The following ICAM2 variants were observed in gnomAD, a reference collection of about 807,000 sequenced individuals.
ICAM2 encodes the protein ICAM-2.
In ICAM2, 14 loss-of-function variants were observed where a neutral mutation model predicts 19.1. That is an observed-to-expected ratio of 0.73 (90% confidence interval 0.48 to 1.15). ICAM2 has a LOEUF of 1.15. Ranked by LOEUF, ICAM2 falls within the 50% of genes most tolerant of loss-of-function variation. ICAM2 has a pLI of 0.00. For missense variants in ICAM2, 311 were observed against 355.4 expected, an observed-to-expected ratio of 0.88 and a Z score of 1.00; for synonymous variants, 153 against 152.7, an observed-to-expected ratio of 1.00 and a Z score of -0.01.
intron 1 of ICAM2, among the ~76,000 whole-genome samples, chr17:64,013,049 A>T (rs1360151031): frequency 6.6e-6 from 1 of 152,222 alleles, no homozygotes; most frequent in Non-Finnish European, 1.5e-5. Context: ...GTGGTGGCTT[A>T]TGCTGGTAAT....
chr17:64,005,464 T>G, intron 2 of ICAM2, 91 bp from the exon 3 acceptor site: 1 of 1,433,876 alleles, frequency 7.0e-7, no homozygotes, highest in Non-Finnish European at 9.5e-7. Context: ...GGCTCCTGGG[T>G]CAGGGACTGA....
rs1359453493 is a variant in ICAM2 at position 64,002,842 on chromosome 17, A to T, written c.733T>A (p.Cys245Ser). The change falls in exon 5 of 5, where the codon TGC becomes AGC. Residue 245 changes from cysteine (C) to serine (S), a missense_variant. Physicochemically the swap from Cys to Ser is moderately radical, Grantham distance 112. Transcript: ENST00000579788. ...LSLFVTSVLLCFIFGQHLRQQ... is the reference protein window; with the variant it reads ...LSLFVTSVLLSFIFGQHLRQQ... The stretch of plus-strand genomic sequence containing the variant: ...CGCAAGTGCTGGCCGAAGATGAAGC[A>T]GAGCAGGACAGATGTCACGAACAGG... 6.2e-7 allele frequency: 1 copy of T among 1,613,904 alleles called. No individual in the cohort carries two copies. Among genetic ancestry groups the T allele is most frequent in the Non-Finnish European group, 8.5e-7 (1 of 1,180,004 alleles).
At chr17:64,012,340 G>A (rs1468042618) in intron 1 of ICAM2, among the ~76,000 whole-genome samples, 1 of 152,198 alleles carries the variant, frequency 6.6e-6, no homozygotes, top group Non-Finnish European at 1.5e-5. Flanking sequence ...GCTCATGCCT[G>A]TAATCCCAGC....
At chr17:64,010,155 T>C (rs1042370001) in intron 1 of ICAM2, among the ~76,000 whole-genome samples, 22 of 152,184 alleles carry the variant, frequency 1.4e-4, no homozygotes, top group African/African-American at 5.1e-4. Flanking sequence ...CATTAAACTT[T>C]TTCTCTGCAG....
chr17:64,009,839 T>C (rs1345178155), intron 1 of ICAM2, among the ~76,000 whole-genome samples: 1 of 152,204 alleles, frequency 6.6e-6, no homozygotes, highest in Non-Finnish European at 1.5e-5. Context: ...CCCTTTGAGA[T>C]ATTCTTTCAG....
chr17:64,006,484 G>A (rs1352597756), intron 2 of ICAM2, 147 bp downstream of exon 2: 12 of 666,162 alleles, frequency 1.8e-5, no homozygotes, highest in African/African-American at 1.1e-4. Flanking sequence ...GTGATAGACC[G>A]AGACCCTGTC....
chr17:64,018,410 A>C (rs1567851075), intron 1 of ICAM2, among the ~76,000 whole-genome samples: 1 of 150,172 alleles, frequency 6.7e-6, no homozygotes, highest in Non-Finnish European at 1.5e-5. Context: ...AAGTGAAAAG[A>C]TTATTTAGCT....
chr17:64,011,550 A>G (rs545438043), intron 1 of ICAM2, among the ~76,000 whole-genome samples: 1 of 152,240 alleles, frequency 6.6e-6, no homozygotes, highest in East Asian at 1.9e-4. Context: ...TAAACCCACA[A>G]TGAGATATCA....
Position 64,006,681 on chromosome 17 carries a change from A to G in ICAM2, c.11T>C (p.Phe4Ser). 1 of 1,614,150 alleles carries G rather than the reference A, an allele frequency of 6.2e-7. No individual in the cohort carries two copies. Among genetic ancestry groups the G allele is most frequent in the Non-Finnish European group, 8.5e-7 (1 of 1,180,002 alleles). Residue 4 changes from phenylalanine (F) to serine (S), a missense_variant, in exon 2 of 5, where the codon TTC (phenylalanine) becomes TCC (serine). Coordinates refer to ENST00000579788, the MANE Select transcript of ICAM2 (RefSeq NM_001099789.2). ...GGCCACAGTCAGGGTCCTGTAACCG[A>G]AAGAGGACATCTCTGGCAGTCTCCA... MSS[F>S]GYRTLTVALF...
chr17:64,002,731 A>G lies in ICAM2; in HGVS notation c.*16T>C. On this transcript the variant is annotated 3_prime_UTR_variant, in exon 5 of 5. Coordinates refer to ENST00000579788, the MANE Select transcript of ICAM2 (RefSeq NM_001099789.2). ...TCCAGTGACCACCGTGGTGGTGGCC[A>G]TGCCACTCATGGTTGCTATGGCCGG... 1 of 1,607,470 alleles carries G rather than the reference A, an allele frequency of 6.2e-7. No homozygotes were observed. Among genetic ancestry groups the G allele is most frequent in the Non-Finnish European group, 8.5e-7 (1 of 1,177,866 alleles).
intron 1 of ICAM2, among the ~76,000 whole-genome samples, chr17:64,014,338 A>G (rs4968686): frequency 0.13 from 6,472 of 51,174 alleles, 453 homozygotes; most frequent in East Asian, 0.16. Context: ...AAGGAAAGAA[A>G]GAAAGAAAGA....
At chr17:64,018,115 C>A (rs961335496) in intron 1 of ICAM2, among the ~76,000 whole-genome samples, 1 of 151,948 alleles carries the variant, frequency 6.6e-6, no homozygotes, top group Admixed American at 6.6e-5. Context: ...GGGCTGATCA[C>A]GCGGTCAGAA....
In ICAM2 at chr17:64,005,148, G is replaced by A. The variant is rs1345086153; in HGVS notation, c.287C>T (p.Ser96Phe). The A allele has an allele frequency of 6.2e-7, 1 of 1,614,024 alleles. No homozygotes were observed. Among genetic ancestry groups the A allele is most frequent in the Non-Finnish European group, 8.5e-7 (1 of 1,180,006 alleles). The change falls in exon 3 of 5, where the codon TCC becomes TTC. Residue 96 changes from serine (S) to phenylalanine (F), a missense_variant. Physicochemically the swap from Ser to Phe is radical, Grantham distance 155. Coordinates refer to ENST00000579788, the MANE Select transcript of ICAM2 (RefSeq NM_001099789.2). Reference protein sequence around the residue: ...DTVLQCHFTCSGKQESMNSNV... With the variant: ...DTVLQCHFTCFGKQESMNSNV... Reference sequence around the variant, plus strand: ...GGAATTCATTGACTCCTGCTTCCCGGAGCAGGTGAAGTGGCATTGGAGGAC... The same window carrying A: ...GGAATTCATTGACTCCTGCTTCCCGAAGCAGGTGAAGTGGCATTGGAGGAC...
At chr17:64,004,487 G>T in intron 3 of ICAM2, 1 of 171,384 alleles carries the variant, frequency 5.8e-6, no homozygotes, top group Admixed American at 5.5e-5. Flanking sequence ...ATTCTCTTTT[G>T]AATTAGAATA....
chr17:64,013,969 A>G (rs1911552739), intron 1 of ICAM2, among the ~76,000 whole-genome samples: 1 of 152,162 alleles, frequency 6.6e-6, no homozygotes, highest in Non-Finnish European at 1.5e-5. Context: ...TAAAGTAGAG[A>G]ATACAAATTC....
chr17:64,011,784 G>C (rs962126977), intron 1 of ICAM2, among the ~76,000 whole-genome samples: 2 of 152,162 alleles, frequency 1.3e-5, no homozygotes, highest in African/African-American at 4.8e-5. Context: ...TGATGAGAAT[G>C]TAGAGAAAAA....
At chr17:64,006,804 C>T in intron 1 of ICAM2, 69 bp from the exon 2 acceptor site, 1 of 888,258 alleles carries the variant, frequency 1.1e-6, no homozygotes, top group Non-Finnish European at 1.8e-6. Flanking sequence ...AAACTGATGA[C>T]TGCATTTCCT....
intron 1 of ICAM2, among the ~76,000 whole-genome samples, chr17:64,018,010 T>C (rs1911780318): frequency 6.6e-6 from 1 of 152,080 alleles, no homozygotes; most frequent in Admixed American, 6.6e-5. Context: ...ACCTCGAAAT[T>C]GTCAATCATA....
intron 1 of ICAM2, among the ~76,000 whole-genome samples, chr17:64,008,190 G>T (rs1419184106): frequency 3.3e-5 from 5 of 152,332 alleles, no homozygotes; most frequent in East Asian, 1.9e-4. Flanking sequence ...CTGGACTTGG[G>T]AATGATGCAG....
Sources: allele counts gnomAD v4.1 joint callset (sites outside exome capture counted in the v4.1 genomes callset), GRCh38; gene constraint gnomAD v4.1.1; transcripts MANE v1.5; gene names NCBI Gene and HGNC (gene_info 2026-07-23, HGNC 2026-07-21).